The following RNF149 variants were observed in gnomAD, a reference collection of about 807,000 sequenced individuals.
RNF149 encodes E3 ubiquitin-protein ligase RNF149.
A neutral mutation model predicts 39.0 loss-of-function variants in RNF149; 21 were observed. The ratio of observed to expected loss-of-function variants is 0.54; its 90% CI spans 0.38 to 0.77. The LOEUF is 0.77. Ranked by LOEUF, RNF149 falls within the 30% of genes least tolerant of loss-of-function variation. The probability of loss-of-function intolerance (pLI) is 0.00; values close to 1 mark genes in which losing one functional copy is unlikely to be tolerated. For synonymous variants in RNF149, 209 were observed against 213.6 expected (o/e 0.98, Z 0.19); for missense variants, 493 against 534.9 (o/e 0.92, Z 0.77).
intron 3 of RNF149, among the ~76,000 whole-genome samples, chr2:101,291,812 A>C (rs937524243): frequency 1.3e-5 from 2 of 152,242 alleles, no homozygotes; most frequent in African/African-American, 2.4e-5. Flanking sequence ...CTAGAATGGA[A>C]TACAATGTAG....
intron 3 of RNF149, among the ~76,000 whole-genome samples, chr2:101,293,696 GTA>G (rs1266499750): frequency 1.3e-5 from 2 of 152,180 alleles, no homozygotes; most frequent in South Asian, 2.1e-4. Context: ...TGTGAAGACT[GTA>G]TGTCTTTATA....
At chr2:101,297,292 G>C (rs954462425) in intron 1 of RNF149, among the ~76,000 whole-genome samples, 4 of 152,146 alleles carry the variant, frequency 2.6e-5, no homozygotes, top group South Asian at 4.1e-4. Context: ...TTTCCTATAA[G>C]AGTAATAGAA....
intron 6 of RNF149, 79 bp from the exon 7 acceptor site, chr2:101,277,360 C>T: frequency 6.6e-7 from 1 of 1,516,626 alleles, no homozygotes; most frequent in Non-Finnish European, 8.8e-7. Flanking sequence ...CACACTTACT[C>T]ACTTGGAGAT....
chr2:101,273,383 A>G (rs532773120), downstream of RNF149: 9 of 470,430 alleles, frequency 1.9e-5, no homozygotes, highest in East Asian at 2.1e-4. Context: ...GGTAAATAAT[A>G]TAACAATGAA....
chr2:101,288,885 A>T, intron 4 of RNF149, 88 bp downstream of exon 4: 2 of 675,916 alleles, frequency 3.0e-6, no homozygotes, highest in South Asian at 3.7e-5. Flanking sequence ...CAAGATCTTC[A>T]TTATCATAAA....
chr2:101,291,182 C>T (rs573993025), intron 3 of RNF149, among the ~76,000 whole-genome samples: 10 of 151,600 alleles, frequency 6.6e-5, no homozygotes, highest in Non-Finnish European at 1.0e-4. Context: ...GACGGAGTCT[C>T]GCTCTGTCGC....
chr2:101,288,840 C>A (rs1682893057), intron 4 of RNF149, 133 bp downstream of exon 4: 2 of 586,770 alleles, frequency 3.4e-6, no homozygotes, highest in East Asian at 6.1e-5. Context: ...AAAATCCAAG[C>A]TGCTTTTCTA....
chr2:101,290,943 A>T (rs1431897102), intron 3 of RNF149, among the ~76,000 whole-genome samples: 2 of 152,194 alleles, frequency 1.3e-5, no homozygotes, highest in Non-Finnish European at 2.9e-5. Context: ...CTGACACAAG[A>T]TAGGCCAACA....
At chr2:101,272,890 A>G (rs1365102793), downstream of RNF149, 4 of 1,230,466 alleles carry the variant, frequency 3.3e-6, no homozygotes, top group Non-Finnish European at 4.4e-6. Flanking sequence ...TCTCTTTGGG[A>G]TGCCTTTCTT....
Position 101,302,116 on chromosome 2 carries a change from C to T in RNF149, c.460+6013G>A, listed in dbSNP as rs114449220. On this transcript the variant is annotated intron_variant, in intron 1 of 6. Transcript: ENST00000295317. Reference sequence around the variant, plus strand: ...ACTTAAGGCTTTTCAGCACCATCTGCCTCTTAGATACCTCTTTTTGCACAC... The same window carrying T: ...ACTTAAGGCTTTTCAGCACCATCTGTCTCTTAGATACCTCTTTTTGCACAC... Among the ~76,000 whole-genome samples the T allele has an allele frequency of 6.2e-3, 951 of 152,266 alleles. 4 individuals are homozygous for T. Among genetic ancestry groups the T allele is most frequent in the African/African-American group, 0.022 (908 of 41,548 alleles).
intron 4 of RNF149, 74 bp downstream of exon 4, chr2:101,288,898 AC>A (rs2104404174): frequency 1.4e-6 from 1 of 730,208 alleles, no homozygotes; most frequent in East Asian, 2.6e-5. Context: ...ATCATAAAAA[AC>A]AAATAACTAT....
At chr2:101,291,161 T>A (rs962181463) in intron 3 of RNF149, among the ~76,000 whole-genome samples, 1 of 152,150 alleles carries the variant, frequency 6.6e-6, no homozygotes, top group Admixed American at 6.5e-5. Context: ...TAATTAATTT[T>A]TTTTTTTTGA....
chr2:101,281,804 G>A, intron 6 of RNF149, 55 bp downstream of exon 6: 1 of 1,600,626 alleles, frequency 6.2e-7, no homozygotes, highest in Non-Finnish European at 8.5e-7. Flanking sequence ...GATTACAGGT[G>A]TGAGCCACCA....
intron 5 of RNF149, 41 bp downstream of exon 5, chr2:101,286,040 A>G (rs1286623055): frequency 1.8e-6 from 2 of 1,142,750 alleles, no homozygotes. Context: ...ACTCAGGAAG[A>G]ACTGGGGCAG....
In RNF149 at chr2:101,297,687, T is replaced by C. The variant is rs76522915; in HGVS notation, c.461-2506A>G. The stretch of plus-strand genomic sequence containing the variant: ...ATGGATATTTTAAATAGCAGCTTTA[T>C]TGAGATATAATCCACATACCACAAA... On this transcript the variant is annotated intron_variant, in intron 1 of 6. Transcript: ENST00000295317. Among the ~76,000 whole-genome samples, 167 of 152,350 alleles carry C rather than the reference T, an allele frequency of 1.1e-3. 1 individual carries two copies. Among genetic ancestry groups the C allele is most frequent in the Non-Finnish European group, 2.0e-3 (135 of 68,036 alleles).
chr2:101,290,754 C>A (rs1240842660), intron 3 of RNF149, among the ~76,000 whole-genome samples: 1 of 152,128 alleles, frequency 6.6e-6, no homozygotes, highest in African/African-American at 2.4e-5. Context: ...AATAAAGGTA[C>A]AAAGAAACAA....
intron 1 of RNF149, among the ~76,000 whole-genome samples, chr2:101,305,030 A>G (rs566519346): frequency 7.7e-4 from 117 of 151,958 alleles, no homozygotes; most frequent in Non-Finnish European, 1.4e-3. Flanking sequence ...TAGTAGAGAC[A>G]GGGTTTCACC....
Position 101,308,282 on chromosome 2 carries a change from C to A in RNF149, c.307G>T (p.Gly103Cys). The change falls in exon 1 of 7, where the codon GGC (glycine) becomes TGC (cysteine). Residue 103 changes from glycine (G) to cysteine (C), a missense_variant. Gly to Cys is a radical substitution (Grantham distance 159). Transcript: ENST00000295317. The stretch of plus-strand genomic sequence containing the variant: ...GCGACCCAGGGCGCGGCCCCTCGGC[C>A]GCCGGGCTCGGGCACGAAGAAGCGC... ...DTRFFVPEPG[G>C]RGAAPWVALV... 6.3e-7 allele frequency: 1 copy of A among 1,576,128 alleles called. No individual in the cohort carries two copies. Among genetic ancestry groups the A allele is most frequent in the Non-Finnish European group, 8.6e-7 (1 of 1,163,514 alleles).
intron 1 of RNF149, among the ~76,000 whole-genome samples, chr2:101,299,735 T>C (rs939238545): frequency 6.6e-6 from 1 of 152,198 alleles, no homozygotes; most frequent in African/African-American, 2.4e-5. Context: ...GTTCTTTGTG[T>C]GGTAATGGGG....
Sources: allele counts gnomAD v4.1 joint callset (sites outside exome capture counted in the v4.1 genomes callset), GRCh38; gene constraint gnomAD v4.1.1; transcripts MANE v1.5; gene names NCBI Gene and HGNC (gene_info 2026-07-23, HGNC 2026-07-21).